The following DHX9 variants were observed in gnomAD, a reference collection of about 807,000 sequenced individuals.
DHX9 encodes ATP-dependent RNA helicase A.
In DHX9, 27 loss-of-function variants were observed where a neutral mutation model predicts 148.7. The ratio of observed to expected loss-of-function variants is 0.18; its 90% confidence interval spans 0.13 to 0.25. The LOEUF (loss-of-function observed/expected upper bound fraction) is 0.25, where lower values mean the gene tolerates loss of function less well. Ranked by LOEUF, DHX9 falls within the 10% of genes least tolerant of loss-of-function variation. The pLI is 1.00. For missense variants in DHX9, 796 were observed against 1,559.6 expected (o/e 0.51, Z 8.25); for synonymous variants, 529 against 516.6 (o/e 1.02, Z -0.33).
Position 182,883,158 on chromosome 1 carries a change from G to A in DHX9, c.2934G>A (p.Val978=), listed in dbSNP as rs924926233. ...GFPEDCLLTQ[V]FTNTGPDNNL... ...TAACAGATTGTTTGTTGACACAAGT[G>A]TTTACTAACACTGGACCAGATAATA... Residue 978 remains valine (V), a synonymous_variant, in exon 25 of 28, where the codon GTG becomes GTA. Coordinates refer to ENST00000367549, the MANE Select transcript of DHX9 (RefSeq NM_001357.5). 1.2e-6 allele frequency: 2 copies of A among 1,613,942 alleles called. No homozygotes were observed. Among genetic ancestry groups the A allele is most frequent in the Non-Finnish European group, 1.7e-6 (2 of 1,179,836 alleles).
chr1:182,881,129 G>T, intron 22 of DHX9, 135 bp from the exon 23 acceptor site: 1 of 873,958 alleles, frequency 1.1e-6, no homozygotes, highest in Non-Finnish European at 1.7e-6. Flanking sequence ...AAAGTTCTTT[G>T]TTAAGCCAGT....
rs372819308 is a variant in DHX9 at position 182,866,928 on chromosome 1, T to C, written c.1475-33T>C. ...TCCATAGATTTACTACTTTGAACTT[T>C]TCTATAGTTTATTGATTGTTTTTCT... On this transcript the variant is annotated intron_variant, in intron 13 of 27. Transcript: ENST00000367549. 4.5e-5 allele frequency: 70 copies of C among 1,556,674 alleles called. No homozygotes were observed. In the African/African-American group the frequency reaches 9.0e-4, roughly 20 times the overall value.
At chr1:182,850,589 T>C (rs554133059) in intron 3 of DHX9, among the ~76,000 whole-genome samples, 2 of 147,352 alleles carry the variant, frequency 1.4e-5, no homozygotes, top group Non-Finnish European at 1.5e-5. Flanking sequence ...AGTGAGACCC[T>C]GTCTCAAAAA....
intron 12 of DHX9, 40 bp downstream of exon 12, chr1:182,860,224 C>T: frequency 3.5e-6 from 5 of 1,430,304 alleles, no homozygotes; most frequent in Non-Finnish European, 3.7e-6. Context: ...AGAGAGCAGA[C>T]TATTTCTGAT....
At position 182,852,315 on chromosome 1, in the gene DHX9, C is replaced by A; in HGVS notation, c.335C>A (p.Pro112His). 1 of 1,612,216 alleles carries A rather than the reference C, an allele frequency of 6.2e-7. No homozygotes were observed. The highest frequency in any genetic ancestry group is 8.5e-7 in the Non-Finnish European group (1 of 1,179,096). ...GATTTACCAACAACCATGGGAGGAC[C>A]TCTTCCTCCACATCTGGCTCTCAAA... is the stretch of plus-strand genomic sequence containing the variant. Reference protein sequence around the residue: ...EGDLPTTMGGPLPPHLALKAE... With the variant: ...EGDLPTTMGGHLPPHLALKAE... Residue 112 changes from proline (P) to histidine (H), a missense_variant, in exon 4 of 28, where the codon CCT becomes CAT. By Grantham distance (77) the Pro-to-His change is moderately conservative. This residue lies in a region of DHX9 where 89 missense variants were observed against 77.5 expected (regional missense o/e 1.15). Transcript: ENST00000367549.
At chr1:182,845,676 C>G (rs1024772027) in intron 3 of DHX9, among the ~76,000 whole-genome samples, 2 of 152,208 alleles carry the variant, frequency 1.3e-5, no homozygotes, top group African/African-American at 4.8e-5. Flanking sequence ...ACACCACTTG[C>G]AAGTCTGGGC....
chr1:182,876,258 A>G lies in DHX9; in HGVS notation c.2024A>G (p.His675Arg). The G allele has an allele frequency of 6.2e-7, 1 of 1,613,614 alleles. No individual in the cohort carries two copies. Among genetic ancestry groups the G allele is most frequent in the Non-Finnish European group, 8.5e-7 (1 of 1,179,718 alleles). Residue 675 changes from histidine (H) to arginine (R), a missense_variant, in exon 17 of 28, where the codon CAT (histidine) becomes CGT (arginine). Physicochemically the swap from His to Arg is conservative, Grantham distance 29. Coordinates refer to ENST00000367549, the MANE Select transcript of DHX9 (RefSeq NM_001357.5). ...CAGAAGCATTTGGAAATGAATCCAC[A>G]TTTTGGTATGAGTCTTTGAATTCTC... ...TMQKHLEMNP[H>R]FGSHRYQILP...
chr1:182,858,589 G>A lies in DHX9; in HGVS notation c.849G>A (p.Glu283=), dbSNP rs780520540. The A allele has an allele frequency of 4.3e-6, 7 of 1,611,412 alleles. No individual in the cohort carries two copies. The Admixed American group carries it at 6.7e-5, about 15-fold the overall frequency. Residue 283 remains glutamate (E), a synonymous_variant, in exon 9 of 28, where the codon GAG becomes GAA. Coordinates refer to ENST00000367549, the MANE Select transcript of DHX9 (RefSeq NM_001357.5). ...PYKVNLSQDL[E]HQLQNIIQEL... is the part of the protein sequence containing the mutation. ...AAGTAAACCTCTCTCAAGATTTAGA[G>A]CATCAGCTGCAAAACATCATTCAAG...
At chr1:182,883,658 T>G (rs754292031) in intron 26 of DHX9, 23 bp downstream of exon 26, 1 of 1,520,908 alleles carries the variant, frequency 6.6e-7, no homozygotes, top group Non-Finnish European at 9.1e-7. Flanking sequence ...AGATGTGAAC[T>G]CCAAACTGAA....
At chr1:182,844,188 T>TC (rs1225545497) in intron 3 of DHX9, among the ~76,000 whole-genome samples, 1 of 152,110 alleles carries the variant, frequency 6.6e-6, no homozygotes, top group Non-Finnish European at 1.5e-5. Context: ...CCTCAAGTGA[T>TC]CCATCCACCC....
At chr1:182,883,100 G>C (rs755191756) in intron 24 of DHX9, 39 bp from the exon 25 acceptor site, 47 of 1,362,584 alleles carry the variant, frequency 3.4e-5, no homozygotes, top group Non-Finnish European at 4.6e-5. Flanking sequence ...AGATCAGCCA[G>C]TTATCTGATT....
chr1:182,877,760 T>TTA (rs1648879691), intron 19 of DHX9: 1 of 387,386 alleles, frequency 2.6e-6, no homozygotes, highest in African/African-American at 2.0e-5. Flanking sequence ...AAAAAAACTA[T>TTA]AAGGTAGATA....
At chr1:182,844,851 C>T (rs951218298) in intron 3 of DHX9, among the ~76,000 whole-genome samples, 2 of 151,800 alleles carry the variant, frequency 1.3e-5, no homozygotes, top group African/African-American at 4.8e-5. Flanking sequence ...TTAGTAGAGA[C>T]AGATTTTCAC....
intron 14 of DHX9, among the ~76,000 whole-genome samples, chr1:182,871,186 A>C (rs889824762): frequency 1.3e-5 from 2 of 152,226 alleles, no homozygotes; most frequent in African/African-American, 4.8e-5. Flanking sequence ...CAACTTCTAC[A>C]AATCAGTAAG....
At chr1:182,859,953 T>G (rs1246946472) in intron 11 of DHX9, 40 bp from the exon 12 acceptor site, 1 of 1,572,068 alleles carries the variant, frequency 6.4e-7, no homozygotes, top group Non-Finnish European at 8.6e-7. Context: ...TTCTAATGTG[T>G]TGGTAGACAT....
Position 182,881,550 on chromosome 1 carries a change from T to C in DHX9, c.2817T>C (p.Phe939=). The change falls in exon 24 of 28, where the codon TTT becomes TTC. Residue 939 remains phenylalanine, a synonymous_variant. Transcript: ENST00000367549. ...GTGGAGAAGAAGCAGAGATACGTTT[T>C]TGTGAGCACAAAAGACTTAATATGG... is the stretch of plus-strand genomic sequence containing the variant. ...RMGGEEAEIR[F]CEHKRLNMAT... The C allele has an allele frequency of 1.2e-6, 2 of 1,613,112 alleles. No homozygotes were observed. The highest frequency in any genetic ancestry group is 1.7e-6 in the Non-Finnish European group (2 of 1,179,780).
chr1:182,885,976 A>C (rs981121290), intron 27 of DHX9, among the ~76,000 whole-genome samples: 1 of 152,180 alleles, frequency 6.6e-6, no homozygotes, highest in African/African-American at 2.4e-5. Context: ...CGGAAACTAG[A>C]AAGAAAGGGA....
At position 182,842,226 on chromosome 1, in the gene DHX9, T is replaced by C. The variant is rs539957791; in HGVS notation, c.-22-319T>C. On this transcript the variant is annotated intron_variant, in intron 1 of 27. Coordinates refer to ENST00000367549, the MANE Select transcript of DHX9 (RefSeq NM_001357.5). Reference sequence around the variant, plus strand: ...AATATATAAGGTGCCCGTTGTAGAATATAGGGCCTTATATAAAATACTTTG... The same window carrying C: ...AATATATAAGGTGCCCGTTGTAGAACATAGGGCCTTATATAAAATACTTTG... 8.2e-4 allele frequency among the ~76,000 whole-genome samples: 125 copies of C among 152,304 alleles called. 2 individuals carry two copies. The South Asian group carries it at 0.025, about 31-fold the overall frequency.
intron 12 of DHX9, among the ~76,000 whole-genome samples, chr1:182,863,367 A>G (rs547250232): frequency 3.9e-5 from 6 of 152,342 alleles, no homozygotes; most frequent in Non-Finnish European, 7.4e-5. Context: ...TTTTACTAGT[A>G]TTCTGAAGCA....
Sources: allele counts gnomAD v4.1 joint callset (sites outside exome capture counted in the v4.1 genomes callset), GRCh38; gene constraint gnomAD v4.1.1; regional missense constraint gnomAD v4.1.1; transcripts MANE v1.5; gene names NCBI Gene and HGNC (gene_info 2026-07-23, HGNC 2026-07-21).